Variants in QTMAN observed in about 807,000 individuals in gnomAD.
The protein encoded by QTMAN is tRNA-queuosine alpha-mannosyltransferase.
the QTMAN span, among the ~76,000 whole-genome samples, chr2:144,294,721 T>G: frequency 6.6e-6 from 1 of 152,198 alleles, no homozygotes; most frequent in African/African-American, 2.4e-5. Flanking sequence ...AAAGAGTCTA[T>G]AAACAAATTG....
the QTMAN span, among the ~76,000 whole-genome samples, chr2:144,298,173 C>T: frequency 2.0e-4 from 31 of 151,892 alleles, no homozygotes; most frequent in African/African-American, 7.2e-4. Flanking sequence ...CGCCTGCCAC[C>T]ACACCCAGCT....
At chr2:144,119,975 T>C in the QTMAN span, among the ~76,000 whole-genome samples, 1 of 152,182 alleles carries the variant, frequency 6.6e-6, no homozygotes, top group Non-Finnish European at 1.5e-5. Flanking sequence ...TTAAAGGCAG[T>C]AATGTGACAA....
the QTMAN span, among the ~76,000 whole-genome samples, chr2:144,307,115 C>T: frequency 2.3e-5 from 3 of 127,764 alleles, no homozygotes; most frequent in East Asian, 2.5e-4. Flanking sequence ...GAGCCGAGAT[C>T]GTGCCACTGC....
the QTMAN span, among the ~76,000 whole-genome samples, chr2:143,963,219 C>G: frequency 1.3e-5 from 2 of 151,968 alleles, no homozygotes; most frequent in Admixed American, 1.3e-4. Context: ...AAAGCCTAGC[C>G]CTGGCTTGGT....
At chr2:144,008,371 A>G in the QTMAN span, among the ~76,000 whole-genome samples, 1 of 152,064 alleles carries the variant, frequency 6.6e-6, no homozygotes, top group Admixed American at 6.6e-5. Context: ...TTGGGGCTCA[A>G]TAAAGGCTTA....
the QTMAN span, among the ~76,000 whole-genome samples, chr2:144,051,666 G>A: frequency 6.6e-6 from 1 of 152,142 alleles, no homozygotes; most frequent in Admixed American, 6.6e-5. Context: ...AAAAGAGGGT[G>A]GATGATACAA....
At chr2:144,199,902 T>C in the QTMAN span, among the ~76,000 whole-genome samples, 1 of 152,222 alleles carries the variant, frequency 6.6e-6, no homozygotes, top group African/African-American at 2.4e-5. Context: ...GTGATTTTTT[T>C]CAGGCCAAAT....
chr2:144,146,477 G>A, the QTMAN span, among the ~76,000 whole-genome samples: 1 of 151,536 alleles, frequency 6.6e-6, no homozygotes, highest in Non-Finnish European at 1.5e-5. Flanking sequence ...TGAAAAAAGT[G>A]TCAATTTACT....
At chr2:144,157,474 A>G in the QTMAN span, among the ~76,000 whole-genome samples, 1 of 152,052 alleles carries the variant, frequency 6.6e-6, no homozygotes. Flanking sequence ...CTGCTTGTAC[A>G]TAACAATGGT....
chr2:144,139,817 C>T, the QTMAN span, among the ~76,000 whole-genome samples: 2 of 151,998 alleles, frequency 1.3e-5, no homozygotes, highest in Admixed American at 6.6e-5. Context: ...TGGCTTTTCT[C>T]CCCTCCCTAA....
At chr2:144,326,811 C>T in the QTMAN span, among the ~76,000 whole-genome samples, 17 of 152,152 alleles carry the variant, frequency 1.1e-4, no homozygotes, top group Non-Finnish European at 1.9e-4. Context: ...CAGTTCCAAC[C>T]CTGGGGTACA....
chr2:143,970,703 C>T, the QTMAN span: 1 of 1,611,458 alleles, frequency 6.2e-7, no homozygotes, highest in Non-Finnish European at 8.5e-7. Flanking sequence ...GAAATTGAGT[C>T]CTAAGTCTTT....
the QTMAN span, among the ~76,000 whole-genome samples, chr2:144,236,203 T>C: frequency 6.6e-6 from 1 of 151,920 alleles, no homozygotes. Flanking sequence ...CAGAGGCAGG[T>C]TGGAATGCAT....
At chr2:143,994,839 C>G in the QTMAN span, among the ~76,000 whole-genome samples, 1 of 152,054 alleles carries the variant, frequency 6.6e-6, no homozygotes, top group Non-Finnish European at 1.5e-5. Flanking sequence ...TGTAAATTTA[C>G]TAAAAATCGC....
the QTMAN span, among the ~76,000 whole-genome samples, chr2:143,973,768 G>A: frequency 3.4e-5 from 5 of 148,188 alleles, no homozygotes; most frequent in South Asian, 6.4e-4. Flanking sequence ...CAGCCTGGGC[G>A]ACAGAGCGAA....
the QTMAN span, among the ~76,000 whole-genome samples, chr2:144,107,716 G>T: frequency 5.9e-5 from 9 of 152,218 alleles, no homozygotes; most frequent in African/African-American, 1.7e-4. Flanking sequence ...ACTATTCTAA[G>T]CAATAGAAAA....
chr2:144,090,681 C>G, the QTMAN span, among the ~76,000 whole-genome samples: 1 of 151,894 alleles, frequency 6.6e-6, no homozygotes, highest in Non-Finnish European at 1.5e-5. Flanking sequence ...TCTTATACAT[C>G]TTTTGTATAT....
chr2:144,249,782 A>C, the QTMAN span, among the ~76,000 whole-genome samples: 1 of 152,220 alleles, frequency 6.6e-6, no homozygotes, highest in Non-Finnish European at 1.5e-5. Context: ...AAAACCAAAA[A>C]TGTCAGGGAT....
At chr2:144,225,160 AG>A in the QTMAN span, among the ~76,000 whole-genome samples, 1 of 152,216 alleles carries the variant, frequency 6.6e-6, no homozygotes, top group African/African-American at 2.4e-5. Flanking sequence ...TATAGGTAGA[AG>A]GAAGACTCAA....
Sources: allele counts gnomAD v4.1 joint callset (sites outside exome capture counted in the v4.1 genomes callset), GRCh38; gene constraint gnomAD v4.1.1; transcripts MANE v1.5; gene names NCBI Gene and HGNC (gene_info 2026-07-23, HGNC 2026-07-21).